KCNIP4: variants seen among roughly 807,000 people sequenced by gnomAD.
KCNIP4 encodes the protein potassium voltage-gated channel interacting protein 4, also known as Kv channel-interacting protein 4.
A neutral mutation model predicts 34.0 loss-of-function variants in KCNIP4; 12 were observed. The observed-to-expected ratio is 0.35, with a 90% CI of 0.23 to 0.57. KCNIP4 has a LOEUF of 0.57. Among genes scored for constraint, KCNIP4 ranks in the 20% least tolerant of loss-of-function variants. The pLI is 0.83. For missense variants in KCNIP4, 238 were observed against 311.7 expected (o/e 0.76, Z 1.78); for synonymous variants, 124 against 102.2 (o/e 1.21, Z -1.29).
rs775475074 is a variant in KCNIP4 at position 20,904,331 on chromosome 4, G to GTATA, written c.62-21626_62-21623dup. On this transcript the variant is annotated intron_variant, in intron 1 of 8. Transcript: ENST00000382152. ...ACTATATATATGTATGTGTGTGTGT[G>GTATA]TATATATATATATATATACAGATAT... Among the ~76,000 whole-genome samples, 318 of 143,646 alleles carry GTATA rather than the reference G, an allele frequency of 2.2e-3. 2 individuals are homozygous for GTATA. Among genetic ancestry groups the GTATA allele is most frequent in the Non-Finnish European group, 3.2e-3 (213 of 66,188 alleles). 94.2% of individuals were successfully genotyped at this position (143,646 alleles called of 152,430 possible). A position where few individuals can be genotyped will look rare whatever the true frequency, so the allele number is the denominator to read the frequency against.
chr4:21,141,269 A>G (rs1422059075), intron 1 of KCNIP4, among the ~76,000 whole-genome samples: 2 of 152,324 alleles, frequency 1.3e-5, no homozygotes, highest in Middle Eastern at 3.4e-3. Flanking sequence ...CAGGGTTGCC[A>G]CAAATCTTCA....
intron 1 of KCNIP4, among the ~76,000 whole-genome samples, chr4:20,925,111 A>G (rs1244811977): frequency 2.0e-5 from 3 of 152,340 alleles, no homozygotes; most frequent in East Asian, 3.9e-4. Flanking sequence ...TGCTTGTTGC[A>G]TAAGAGAGAG....
chr4:21,342,850 C>G (rs1292515397), intron 1 of KCNIP4, among the ~76,000 whole-genome samples: 1 of 152,006 alleles, frequency 6.6e-6, no homozygotes, highest in Non-Finnish European at 1.5e-5. Context: ...TGTCAATACT[C>G]AAAACACATC....
At chr4:21,687,462 T>C (rs1186385329) in intron 1 of KCNIP4, among the ~76,000 whole-genome samples, 4 of 152,184 alleles carry the variant, frequency 2.6e-5, no homozygotes, top group Admixed American at 6.5e-5. Flanking sequence ...CCAATGACTA[T>C]GTAATGAACA....
chr4:21,788,959 A>G (rs2323110), intron 1 of KCNIP4, among the ~76,000 whole-genome samples: 17,200 of 150,986 alleles, frequency 0.11, 2,924 homozygotes, highest in African/African-American at 0.37. Flanking sequence ...TGTAGTCTCA[A>G]CTACTTGGGA....
chr4:21,237,930 A>T (rs1253271953), intron 1 of KCNIP4, among the ~76,000 whole-genome samples: 1 of 152,212 alleles, frequency 6.6e-6, no homozygotes, highest in Non-Finnish European at 1.5e-5. Flanking sequence ...CAACAAAAAA[A>T]TAGAATTTTA....
At position 20,729,053 on chromosome 4, in the gene KCNIP4, TTG is replaced by T. The variant is rs1746973150; in HGVS notation, c.*1027_*1028del. The T allele has an allele frequency of 2.9e-5, 2 of 69,704 alleles. No individual in the cohort carries two copies. The highest frequency in any genetic ancestry group is 1.2e-4 in the Admixed American group (1 of 8,584). The allele number at this position is 69,704 out of a possible 1,614,324, so 4.3% of individuals were successfully genotyped here. A position where few individuals can be genotyped will look rare whatever the true frequency, so the allele number is the denominator to read the frequency against. Reference sequence around the variant, plus strand: ...ACCACTGGTGCTTTCAAAGTGAATTTTGCTTGCTAATTTTGCTTGCTGTTTGT... The same window carrying T: ...ACCACTGGTGCTTTCAAAGTGAATTTCTTGCTAATTTTGCTTGCTGTTTGT... On this transcript the variant is annotated 3_prime_UTR_variant, in exon 9 of 9. Coordinates refer to ENST00000382152, the MANE Select transcript of KCNIP4 (RefSeq NM_025221.6).
At chr4:20,856,081 A>G (rs1721540919) in intron 2 of KCNIP4, among the ~76,000 whole-genome samples, 1 of 152,192 alleles carries the variant, frequency 6.6e-6, no homozygotes, top group South Asian at 2.1e-4. Context: ...GGTTGATTCT[A>G]TTCAATGGGT....
At chr4:21,059,820 C>A in intron 1 of KCNIP4, among the ~76,000 whole-genome samples, 1 of 152,096 alleles carries the variant, frequency 6.6e-6, no homozygotes, top group East Asian at 1.9e-4. Context: ...AGTCACTCAA[C>A]ACAATTTAAC....
At chr4:20,833,344 G>C (rs1718650651) in intron 3 of KCNIP4, among the ~76,000 whole-genome samples, 1 of 152,048 alleles carries the variant, frequency 6.6e-6, no homozygotes, top group African/African-American at 2.4e-5. Context: ...AATCAGCTGG[G>C]TGTGGTGGCA....
Position 21,628,706 on chromosome 4 carries a change from C to A in KCNIP4, c.61+319865G>T, listed in dbSNP as rs143383155. 3.8e-3 allele frequency among the ~76,000 whole-genome samples: 576 copies of A among 152,004 alleles called. 6 individuals are homozygous for A. The highest frequency in any genetic ancestry group is 0.013 in the African/African-American group (538 of 41,434). On this transcript the variant is annotated intron_variant, in intron 1 of 8. Coordinates refer to ENST00000382152, the MANE Select transcript of KCNIP4 (RefSeq NM_025221.6). ...GATCCTATGTTGTCTGTACTTTTAA[C>A]GGCACTAGAAAAAAAACAAGTATCT...
intron 1 of KCNIP4, among the ~76,000 whole-genome samples, chr4:21,508,522 A>C (rs1190243720): frequency 6.6e-6 from 1 of 152,208 alleles, no homozygotes; most frequent in African/African-American, 2.4e-5. Context: ...TTCTTTGTAA[A>C]TATAACTCAG....
intron 1 of KCNIP4, among the ~76,000 whole-genome samples, chr4:21,298,839 T>G (rs1763994087): frequency 6.6e-6 from 1 of 152,164 alleles, no homozygotes; most frequent in Admixed American, 6.6e-5. Flanking sequence ...ATAGAATGCG[T>G]CCAAGAAAGG....
chr4:21,221,382 C>T (rs982370400), intron 1 of KCNIP4, among the ~76,000 whole-genome samples: 9 of 152,068 alleles, frequency 5.9e-5, no homozygotes, highest in African/African-American at 2.2e-4. Flanking sequence ...GAGGTTTAAT[C>T]GATTCACAGT....
chr4:21,247,488 A>T (rs1367354907), intron 1 of KCNIP4, among the ~76,000 whole-genome samples: 1 of 150,714 alleles, frequency 6.6e-6, no homozygotes, highest in East Asian at 1.9e-4. Flanking sequence ...TTCCCTAGAA[A>T]TAAATCCCAA....
At chr4:21,043,686 T>C (rs1171835063) in intron 1 of KCNIP4, among the ~76,000 whole-genome samples, 2 of 152,106 alleles carry the variant, frequency 1.3e-5, no homozygotes, top group Non-Finnish European at 2.9e-5. Flanking sequence ...ATAGAAGCAA[T>C]GTTTTTGGAT....
chr4:21,351,500 A>G (rs1316435719), intron 1 of KCNIP4, among the ~76,000 whole-genome samples: 1 of 152,164 alleles, frequency 6.6e-6, no homozygotes, highest in East Asian at 1.9e-4. Flanking sequence ...TGAGTCCATT[A>G]CACTTATTTT....
chr4:21,374,727 T>A (rs575010720), intron 1 of KCNIP4, among the ~76,000 whole-genome samples: 1 of 147,540 alleles, frequency 6.8e-6, no homozygotes, highest in South Asian at 2.1e-4. Flanking sequence ...AAATGAAGGA[T>A]CAGGTTGATG....
chr4:21,913,875 A>C (rs971582226), intron 1 of KCNIP4, among the ~76,000 whole-genome samples: 7 of 152,156 alleles, frequency 4.6e-5, no homozygotes, highest in African/African-American at 9.7e-5. Context: ...TTCTGAGAAG[A>C]GAAAACACTT....
Sources: allele counts gnomAD v4.1 joint callset (sites outside exome capture counted in the v4.1 genomes callset), GRCh38; gene constraint gnomAD v4.1.1; transcripts MANE v1.5; gene names NCBI Gene and HGNC (gene_info 2026-07-23, HGNC 2026-07-21).